The following TRABD2A variants were observed in gnomAD, a reference collection of about 807,000 sequenced individuals.
TRABD2A encodes metalloprotease TIKI1.
TRABD2A carries 43 observed loss-of-function variants against 45.6 expected under a neutral mutation model. The observed-to-expected ratio is 0.94, with a 90% CI of 0.74 to 1.22. TRABD2A has a LOEUF of 1.22. Among genes scored for constraint, TRABD2A ranks in the 50% most tolerant of loss-of-function variants. The probability of loss-of-function intolerance (pLI) is 0.00; values close to 1 mark genes in which losing one functional copy is unlikely to be tolerated. For synonymous variants in TRABD2A, 269 were observed against 265.0 expected (o/e 1.02, Z -0.15); for missense variants, 642 against 652.4 (o/e 0.98, Z 0.17).
intron 2 of TRABD2A, among the ~76,000 whole-genome samples, chr2:84,854,360 G>T (rs1682202750): frequency 6.6e-6 from 1 of 152,184 alleles, no homozygotes; most frequent in Non-Finnish European, 1.5e-5. Context: ...TACAGTGGAT[G>T]GAGCAAAAGC....
chr2:84,853,609 G>T (rs1408732064), intron 2 of TRABD2A, among the ~76,000 whole-genome samples: 2 of 152,184 alleles, frequency 1.3e-5, no homozygotes, highest in Non-Finnish European at 2.9e-5. Flanking sequence ...ATCAGGCAGA[G>T]ACTGGAGTGA....
At chr2:84,857,538 T>G (rs979596374) in intron 2 of TRABD2A, among the ~76,000 whole-genome samples, 1 of 152,222 alleles carries the variant, frequency 6.6e-6, no homozygotes, top group African/African-American at 2.4e-5. Flanking sequence ...TGAATGATTA[T>G]CAACTATATC....
At chr2:84,867,323 G>T (rs1379838695) in intron 2 of TRABD2A, among the ~76,000 whole-genome samples, 4 of 152,162 alleles carry the variant, frequency 2.6e-5, no homozygotes, top group African/African-American at 9.7e-5. Context: ...TATAATTATA[G>T]TGCTCTAAAA....
intron 5 of TRABD2A, among the ~76,000 whole-genome samples, 166 bp downstream of exon 5, chr2:84,831,889 C>T (rs986464839): frequency 1.3e-5 from 2 of 152,170 alleles, no homozygotes; most frequent in Admixed American, 6.5e-5. Flanking sequence ...CCCAGCCACA[C>T]AGAGCCAGCT....
At chr2:84,862,491 C>T (rs1682533039) in intron 2 of TRABD2A, among the ~76,000 whole-genome samples, 1 of 152,000 alleles carries the variant, frequency 6.6e-6, no homozygotes, top group Non-Finnish European at 1.5e-5. Context: ...CCTTGAAGGG[C>T]CTCTCTTAGG....
intron 2 of TRABD2A, among the ~76,000 whole-genome samples, chr2:84,853,611 C>T (rs1286049209): frequency 6.6e-6 from 1 of 152,196 alleles, no homozygotes; most frequent in Non-Finnish European, 1.5e-5. Flanking sequence ...CAGGCAGAGA[C>T]TGGAGTGAGG....
chr2:84,835,123 G>T (rs923645747), intron 4 of TRABD2A: 5 of 152,068 alleles, frequency 3.3e-5, no homozygotes, highest in Non-Finnish European at 5.9e-5. Context: ...ACAACAATAG[G>T]ACTCCAGTAA....
chr2:84,823,942 A>G lies in TRABD2A; in HGVS notation c.1334+11T>C. The G allele has an allele frequency of 6.2e-7, 1 of 1,612,864 alleles. No individual in the cohort carries two copies. The highest frequency in any genetic ancestry group is 1.8e-4 in the Middle Eastern group (1 of 5,460). On this transcript the variant is annotated intron_variant, in intron 6 of 6. Coordinates refer to ENST00000409520, the MANE Select transcript of TRABD2A (RefSeq NM_001277053.2). The stretch of plus-strand genomic sequence containing the variant: ...GGTGGATGCCAACCCGACCCAGCCT[A>G]CTCGCCTGACCTCTCCTCCAGGCGG...
intron 2 of TRABD2A, among the ~76,000 whole-genome samples, chr2:84,863,127 A>C (rs1244493355): frequency 6.6e-6 from 1 of 152,170 alleles, no homozygotes; most frequent in Non-Finnish European, 1.5e-5. Flanking sequence ...ACTTCAGCCC[A>C]ACCATGCCTA....
chr2:84,846,710 G>A (rs900993933), intron 2 of TRABD2A, among the ~76,000 whole-genome samples: 1 of 152,228 alleles, frequency 6.6e-6, no homozygotes, highest in African/African-American at 2.4e-5. Context: ...CTGAGATGTG[G>A]GGAAGTCTCT....
At chr2:84,846,489 G>C (rs752964637) in intron 2 of TRABD2A, among the ~76,000 whole-genome samples, 1 of 152,164 alleles carries the variant, frequency 6.6e-6, no homozygotes, top group Non-Finnish European at 1.5e-5. Context: ...AGGTAGAAGG[G>C]GCTGGATTTC....
intron 2 of TRABD2A, among the ~76,000 whole-genome samples, chr2:84,859,378 C>CA (rs913815231): frequency 1.3e-5 from 2 of 151,842 alleles, no homozygotes; most frequent in East Asian, 1.9e-4. Context: ...AGACCCATAC[C>CA]AAAAAAAAGT....
intron 2 of TRABD2A, among the ~76,000 whole-genome samples, chr2:84,867,075 A>AG (rs1682705836): frequency 6.6e-6 from 1 of 152,202 alleles, no homozygotes; most frequent in East Asian, 1.9e-4. Flanking sequence ...CTCAAAAAAA[A>AG]AAAGTCATTG....
chr2:84,823,542 T>G (rs1200826497), intron 6 of TRABD2A, among the ~76,000 whole-genome samples: 1 of 152,108 alleles, frequency 6.6e-6, no homozygotes, highest in Admixed American at 6.5e-5. Context: ...TGGTGTAGGG[T>G]CACGACCCTT....
At chr2:84,846,709 G>T (rs1235669577) in intron 2 of TRABD2A, among the ~76,000 whole-genome samples, 1 of 152,232 alleles carries the variant, frequency 6.6e-6, no homozygotes. Context: ...GCTGAGATGT[G>T]GGGAAGTCTC....
intron 2 of TRABD2A, among the ~76,000 whole-genome samples, chr2:84,860,444 GGA>G (rs1370229528): frequency 6.6e-6 from 1 of 152,186 alleles, no homozygotes; most frequent in Non-Finnish European, 1.5e-5. Flanking sequence ...TGCAAGTCAA[GGA>G]GAGAGGCCTT....
intron 2 of TRABD2A, among the ~76,000 whole-genome samples, chr2:84,854,182 C>G (rs927047838): frequency 6.6e-6 from 1 of 151,892 alleles, no homozygotes; most frequent in Admixed American, 6.6e-5. Context: ...GCAGAGATGA[C>G]AAAGTATTTG....
chr2:84,831,607 C>T, intron 5 of TRABD2A, among the ~76,000 whole-genome samples: 1 of 152,108 alleles, frequency 6.6e-6, no homozygotes, highest in East Asian at 1.9e-4. Context: ...TCTCCTGCCC[C>T]TGAGAAGGGT....
At position 84,880,996 on chromosome 2, in the gene TRABD2A, A is replaced by T; in HGVS notation, c.44T>A (p.Leu15Gln). The change falls in exon 1 of 7, where the codon CTG becomes CAG. Residue 15 changes from leucine (L) to glutamine (Q), a missense_variant. Leu to Gln is a moderately radical substitution (Grantham distance 113). Coordinates refer to ENST00000409520, the MANE Select transcript of TRABD2A (RefSeq NM_001277053.2). ...GCGCCGCGAAGCTGCGCCCGTGGGC[A>T]GGAGGCAGAGGGTCTGCAGCAGGAA... ...SWFLLQTLCLLPTGAASRRGA... is the reference protein window; with the variant it reads ...SWFLLQTLCLQPTGAASRRGA... 6.2e-7 allele frequency: 1 copy of T among 1,605,944 alleles called. No homozygotes were observed. Among genetic ancestry groups the T allele is most frequent in the Non-Finnish European group, 8.5e-7 (1 of 1,177,002 alleles).
Sources: allele counts gnomAD v4.1 joint callset (sites outside exome capture counted in the v4.1 genomes callset), GRCh38; gene constraint gnomAD v4.1.1; transcripts MANE v1.5; gene names NCBI Gene and HGNC (gene_info 2026-07-23, HGNC 2026-07-21).